NTM: variants seen among roughly 807,000 people sequenced by gnomAD.
NTM encodes IgLON family member 2.
NTM carries 13 observed loss-of-function variants against 42.1 expected under a neutral mutation model. That is an observed-to-expected ratio of 0.31 (90% CI 0.20 to 0.49). NTM has a LOEUF of 0.49. Ranked by LOEUF, NTM falls within the 20% of genes least tolerant of loss-of-function variation. NTM has a pLI of 0.99. For synonymous variants in NTM, 187 were observed against 179.2 expected, an observed-to-expected ratio of 1.04 and a Z score of -0.35; for missense variants, 373 against 452.8, an observed-to-expected ratio of 0.82 and a Z score of 1.60.
At chr11:131,894,233 C>A (rs530436212) in intron 1 of NTM, among the ~76,000 whole-genome samples, 1 of 152,318 alleles carries the variant, frequency 6.6e-6, no homozygotes, top group South Asian at 2.1e-4. Context: ...AGACACGAGC[C>A]AGTTACTCTG....
intron 2 of NTM, among the ~76,000 whole-genome samples, chr11:132,058,789 G>A (rs2136001050): frequency 6.6e-6 from 1 of 152,258 alleles, no homozygotes; most frequent in East Asian, 1.9e-4. Context: ...TCACAGCCCA[G>A]GGCCTGAATC....
intron 1 of NTM, among the ~76,000 whole-genome samples, chr11:131,561,546 A>G (rs1359201428): frequency 6.6e-6 from 1 of 152,162 alleles, no homozygotes; most frequent in East Asian, 1.9e-4. Context: ...ACCAAGGCAA[A>G]AAACTGTGGC....
chr11:131,488,670 T>G (rs1009306957), intron 1 of NTM, among the ~76,000 whole-genome samples: 1 of 152,186 alleles, frequency 6.6e-6, no homozygotes, highest in African/African-American at 2.4e-5. Context: ...GCCTTCTCAC[T>G]ATAGCAATTC....
intron 1 of NTM, among the ~76,000 whole-genome samples, chr11:131,573,880 C>T (rs1034841315): frequency 7.9e-5 from 12 of 152,290 alleles, no homozygotes; most frequent in African/African-American, 2.4e-4. Flanking sequence ...GGAGCACTGT[C>T]CACCTGCGGG....
intron 1 of NTM, among the ~76,000 whole-genome samples, chr11:131,495,998 C>T (rs1955301453): frequency 6.6e-6 from 1 of 152,198 alleles, no homozygotes; most frequent in Non-Finnish European, 1.5e-5. Flanking sequence ...CTCTGCCGAA[C>T]TTGAGATGTT....
At chr11:131,859,261 T>A (rs970413056) in intron 1 of NTM, among the ~76,000 whole-genome samples, 3 of 152,208 alleles carry the variant, frequency 2.0e-5, no homozygotes, top group African/African-American at 7.2e-5. Flanking sequence ...TAAAAATCTA[T>A]AATCCTGACC....
intron 1 of NTM, among the ~76,000 whole-genome samples, chr11:131,871,936 T>C (rs1323024548): frequency 6.6e-6 from 1 of 152,174 alleles, no homozygotes; most frequent in Non-Finnish European, 1.5e-5. Flanking sequence ...AGTCCTAAAA[T>C]TTGGAGGAAT....
At chr11:131,579,297 A>G (rs1022502714) in intron 1 of NTM, among the ~76,000 whole-genome samples, 10 of 151,640 alleles carry the variant, frequency 6.6e-5, no homozygotes, top group African/African-American at 2.4e-4. Context: ...AAGCAAAACA[A>G]AAACAGAAAT....
At chr11:131,629,104 C>T (rs947158644) in intron 1 of NTM, among the ~76,000 whole-genome samples, 2 of 152,200 alleles carry the variant, frequency 1.3e-5, no homozygotes, top group East Asian at 3.9e-4. Context: ...TGGGACAGTG[C>T]CCTTGTGCAG....
At chr11:131,733,815 G>C (rs1192255332) in intron 1 of NTM, among the ~76,000 whole-genome samples, 1 of 152,158 alleles carries the variant, frequency 6.6e-6, no homozygotes, top group African/African-American at 2.4e-5. Context: ...AGGAATTACA[G>C]GCATGAGCCA....
chr11:131,840,942 C>A (rs920564775), intron 1 of NTM, among the ~76,000 whole-genome samples: 2 of 152,194 alleles, frequency 1.3e-5, no homozygotes, highest in African/African-American at 4.8e-5. Flanking sequence ...AAATGTTCAT[C>A]TTGAGGAGTG....
chr11:131,500,681 C>T (rs538919694), intron 1 of NTM, among the ~76,000 whole-genome samples: 278 of 148,650 alleles, frequency 1.9e-3, no homozygotes, highest in Non-Finnish European at 3.4e-3. Flanking sequence ...GTGTGCTGCA[C>T]CCATTAACTC....
At chr11:132,321,257 G>A (rs892592930) in intron 7 of NTM, among the ~76,000 whole-genome samples, 2 of 152,068 alleles carry the variant, frequency 1.3e-5, no homozygotes, top group African/African-American at 4.8e-5. Context: ...CAAACCAAAG[G>A]CAAAGAAGTT....
At chr11:131,782,506 G>C (rs2088351862) in intron 1 of NTM, among the ~76,000 whole-genome samples, 2 of 151,886 alleles carry the variant, frequency 1.3e-5, no homozygotes, top group African/African-American at 4.8e-5. Context: ...TATTTTATGA[G>C]GCCATTATTA....
intron 2 of NTM, 39 bp downstream of exon 2, chr11:131,911,687 A>G: frequency 6.2e-7 from 1 of 1,609,484 alleles, no homozygotes. Context: ...GATGGTTTGT[A>G]TGGGGTCGGG....
At chr11:132,290,497 A>T (rs552387237) in intron 4 of NTM, among the ~76,000 whole-genome samples, 1 of 152,324 alleles carries the variant, frequency 6.6e-6, no homozygotes, top group East Asian at 1.9e-4. Flanking sequence ...GTATTGTTTT[A>T]ATAGACCCTG....
At chr11:131,858,224 C>T (rs1194926893) in intron 1 of NTM, among the ~76,000 whole-genome samples, 1 of 152,154 alleles carries the variant, frequency 6.6e-6, no homozygotes, top group African/African-American at 2.4e-5. Context: ...TTTTCATTGG[C>T]TCTGCTTCTG....
chr11:132,294,858 A>G (rs933311980), intron 4 of NTM, among the ~76,000 whole-genome samples: 4 of 152,164 alleles, frequency 2.6e-5, no homozygotes, highest in African/African-American at 9.7e-5. Context: ...AAAAAATTCA[A>G]CCTAATTGAT....
chr11:131,925,829 A>G (rs1248670737), intron 2 of NTM, among the ~76,000 whole-genome samples: 1 of 152,218 alleles, frequency 6.6e-6, no homozygotes, highest in African/African-American at 2.4e-5. Context: ...GAGGCAATGC[A>G]GAGACACGGG....
Sources: gnomAD v4.1 joint callset for allele counts (sites outside exome capture counted in the v4.1 genomes callset) on GRCh38, gnomAD v4.1.1 for gene constraint, MANE v1.5 for transcripts, NCBI Gene and HGNC (gene_info 2026-07-23, HGNC 2026-07-21) for gene names.